STK3: variants seen among roughly 807,000 people sequenced by gnomAD.
The protein encoded by STK3 is serine/threonine kinase 3.
In STK3, 41 loss-of-function variants were observed where a neutral mutation model predicts 58.0. The ratio of observed to expected loss-of-function variants is 0.71; its 90% confidence interval spans 0.55 to 0.92. The LOEUF is 0.92. Among genes scored for constraint, STK3 ranks in the 40% least tolerant of loss-of-function variants. STK3 has a pLI of 0.00. For synonymous variants in STK3, 170 were observed against 191.0 expected (o/e 0.89, Z 0.91); for missense variants, 479 against 602.7 (o/e 0.79, Z 2.15).
At chr8:98,433,870 A>G (rs1376395454) in intron 3 of STK3, among the ~76,000 whole-genome samples, 1 of 152,218 alleles carries the variant, frequency 6.6e-6, no homozygotes, top group Non-Finnish European at 1.5e-5. Flanking sequence ...TTTTAAAATC[A>G]TCAGCTTGTC....
intron 3 of STK3, among the ~76,000 whole-genome samples, chr8:98,756,565 C>T (rs1002173679): frequency 3.9e-5 from 6 of 152,116 alleles, no homozygotes; most frequent in African/African-American, 1.4e-4. Flanking sequence ...TCTGTGGTTG[C>T]TGAATGAAAG....
At chr8:98,939,875 G>GC (rs1239101495) in intron 1 of STK3, among the ~76,000 whole-genome samples, 1 of 152,206 alleles carries the variant, frequency 6.6e-6, no homozygotes, top group Admixed American at 6.5e-5. Flanking sequence ...GGTGCGGAGA[G>GC]CCCCCCTCTC....
chr8:98,685,263 A>G (rs1380600902), intron 6 of STK3, among the ~76,000 whole-genome samples: 2 of 152,188 alleles, frequency 1.3e-5, no homozygotes, highest in African/African-American at 2.4e-5. Context: ...ATATTTATAT[A>G]ATTTGTATGT....
At chr8:98,644,698 G>A (rs1261630660) in intron 6 of STK3, among the ~76,000 whole-genome samples, 1 of 151,912 alleles carries the variant, frequency 6.6e-6, no homozygotes, top group Non-Finnish European at 1.5e-5. Context: ...GGTCAATGAA[G>A]GCATATGACT....
At chr8:98,590,454 G>C (rs887508684) in intron 7 of STK3, among the ~76,000 whole-genome samples, 4 of 152,210 alleles carry the variant, frequency 2.6e-5, no homozygotes, top group African/African-American at 9.6e-5. Context: ...TTGGGCCAGA[G>C]TTCCAGGGGC....
intron 6 of STK3, among the ~76,000 whole-genome samples, chr8:98,702,975 A>C (rs1825723796): frequency 6.6e-6 from 1 of 152,190 alleles, no homozygotes; most frequent in Non-Finnish European, 1.5e-5. Flanking sequence ...TCTTCATGTC[A>C]ATCACATCTT....
chr8:98,902,380 T>C (rs746380767), intron 1 of STK3, among the ~76,000 whole-genome samples: 4 of 152,242 alleles, frequency 2.6e-5, no homozygotes, highest in Non-Finnish European at 4.4e-5. Flanking sequence ...TTAACATTTC[T>C]GAAACTCTTG....
chr8:98,907,837 T>C (rs1006814449), intron 1 of STK3, among the ~76,000 whole-genome samples: 5 of 152,240 alleles, frequency 3.3e-5, no homozygotes, highest in Non-Finnish European at 7.3e-5. Flanking sequence ...ATTTAGTTGA[T>C]ATGTTTTTTA....
At chr8:98,878,533 C>A (rs952648211) in intron 3 of STK3, among the ~76,000 whole-genome samples, 2 of 152,066 alleles carry the variant, frequency 1.3e-5, no homozygotes. Context: ...CCATTTTTCC[C>A]GCCAAACCAC....
At chr8:98,404,710 G>T (rs751048905) in intron 3 of STK3, among the ~76,000 whole-genome samples, 2 of 149,386 alleles carry the variant, frequency 1.3e-5, no homozygotes, top group African/African-American at 5.0e-5. Flanking sequence ...ATTTAGCTGG[G>T]TATGGTGGTG....
intron 1 of STK3, chr8:98,904,751 G>A (rs1321288645): frequency 5.0e-6 from 4 of 805,924 alleles, no homozygotes; most frequent in Non-Finnish European, 8.3e-6. Context: ...CATGGCTGCA[G>A]CATGACGCGG....
At chr8:98,900,955 C>A (rs1354279614) in intron 1 of STK3, among the ~76,000 whole-genome samples, 1 of 152,196 alleles carries the variant, frequency 6.6e-6, no homozygotes, top group African/African-American at 2.4e-5. Flanking sequence ...AGCCACTGCA[C>A]CCGGCCTATA....
intron 6 of STK3, among the ~76,000 whole-genome samples, chr8:98,665,726 C>A (rs1822296318): frequency 7.1e-6 from 1 of 140,482 alleles, no homozygotes; most frequent in Non-Finnish European, 1.6e-5. Context: ...TTTTTTGAGA[C>A]CGAGTCTTGC....
intron 1 of STK3, among the ~76,000 whole-genome samples, chr8:98,909,202 T>C (rs1474686571): frequency 6.6e-6 from 1 of 152,182 alleles, no homozygotes; most frequent in Non-Finnish European, 1.5e-5. Context: ...TTTTATCTTA[T>C]TTGTGATATA....
intron 10 of STK3, among the ~76,000 whole-genome samples, chr8:98,501,964 C>G (rs964204404): frequency 5.3e-5 from 8 of 152,038 alleles, no homozygotes; most frequent in African/African-American, 1.4e-4. Flanking sequence ...AGCTTGACGG[C>G]GATGGCATTG....
At chr8:98,395,568 A>G (rs577507235) in intron 3 of STK3, among the ~76,000 whole-genome samples, 2 of 152,388 alleles carry the variant, frequency 1.3e-5, no homozygotes, top group South Asian at 4.1e-4. Context: ...TGAATAAGGT[A>G]AAAAGAGCTA....
intron 8 of STK3, among the ~76,000 whole-genome samples, chr8:98,575,602 A>G (rs986447085): frequency 2.6e-5 from 4 of 151,066 alleles, no homozygotes; most frequent in African/African-American, 7.3e-5. Context: ...CTATAATTCA[A>G]TTGTAAGTTG....
chr8:98,852,208 G>A (rs755065149), intron 3 of STK3, among the ~76,000 whole-genome samples: 5 of 151,626 alleles, frequency 3.3e-5, no homozygotes, highest in Non-Finnish European at 7.4e-5. Context: ...CGTGATCTTG[G>A]CTCACTGCAA....
intron 1 of STK3, among the ~76,000 whole-genome samples, chr8:98,822,421 C>T (rs1347531715): frequency 6.6e-6 from 1 of 152,148 alleles, no homozygotes; most frequent in Non-Finnish European, 1.5e-5. Flanking sequence ...AGCAATCCTC[C>T]CACCTCAGCC....
Sources: allele counts gnomAD v4.1 joint callset (sites outside exome capture counted in the v4.1 genomes callset), GRCh38; gene constraint gnomAD v4.1.1; transcripts MANE v1.5; gene names NCBI Gene and HGNC (gene_info 2026-07-23, HGNC 2026-07-21).